The following JAZF1 variants were observed in gnomAD, a reference collection of about 807,000 sequenced individuals.
The protein encoded by JAZF1 is juxtaposed with another zinc finger protein 1.
In JAZF1, 8 loss-of-function variants were observed where a neutral mutation model predicts 26.4. That is an observed-to-expected ratio of 0.30 (90% confidence interval 0.18 to 0.55). The LOEUF (loss-of-function observed/expected upper bound fraction) is 0.55. JAZF1 is among the 20% of genes least tolerant of loss of function. The pLI, the probability that JAZF1 is intolerant of heterozygous loss-of-function variation, is 0.94. For synonymous variants in JAZF1, 126 were observed against 122.3 expected, an observed-to-expected ratio of 1.03 and a Z score of -0.20; for missense variants, 199 against 322.0, an observed-to-expected ratio of 0.62 and a Z score of 2.92.
intron 2 of JAZF1, among the ~76,000 whole-genome samples, chr7:27,991,127 C>A (rs1430010854): frequency 6.6e-6 from 1 of 152,116 alleles, no homozygotes; most frequent in Non-Finnish European, 1.5e-5. Context: ...AACTCTGGTA[C>A]CAAGAGACTA....
At chr7:27,968,150 G>C (rs1266793766) in intron 2 of JAZF1, among the ~76,000 whole-genome samples, 1 of 152,132 alleles carries the variant, frequency 6.6e-6, no homozygotes, top group African/African-American at 2.4e-5. Flanking sequence ...TAATATGGAA[G>C]AAACTCAAAA....
At chr7:28,001,963 T>C (rs1583502579) in intron 1 of JAZF1, among the ~76,000 whole-genome samples, 1 of 152,288 alleles carries the variant, frequency 6.6e-6, no homozygotes, top group East Asian at 1.9e-4. Flanking sequence ...TAGACAAGAA[T>C]ATGAGGTCTG....
intron 1 of JAZF1, among the ~76,000 whole-genome samples, chr7:28,169,473 C>T (rs184064493): frequency 7.2e-5 from 11 of 152,330 alleles, no homozygotes; most frequent in Middle Eastern, 3.4e-3. Context: ...TACAGGAGGG[C>T]TGCAAAACAC....
chr7:27,958,923 G>A (rs368663521), intron 2 of JAZF1, among the ~76,000 whole-genome samples: 4 of 152,098 alleles, frequency 2.6e-5, no homozygotes, highest in South Asian at 4.1e-4. Context: ...TACTAATAGC[G>A]GTAATTGGTT....
Position 28,149,803 on chromosome 7 carries a change from G to A in JAZF1, c.115+30660C>T, listed in dbSNP as rs566293411. ...TAATTACTGATTAATTCACTTAGCA[G>A]TCACCTCATTTTCTTCCCATTGTCT... On this transcript the variant is annotated intron_variant, in intron 1 of 4. Coordinates refer to ENST00000283928, the MANE Select transcript of JAZF1 (RefSeq NM_175061.4). 3.3e-5 allele frequency among the ~76,000 whole-genome samples: 5 copies of A among 152,336 alleles called. No homozygotes were observed. The South Asian group carries it at 1.0e-3, about 32-fold the overall frequency.
chr7:28,170,215 A>G (rs567214639), intron 1 of JAZF1, among the ~76,000 whole-genome samples: 1 of 152,244 alleles, frequency 6.6e-6, no homozygotes, highest in African/African-American at 2.4e-5. Flanking sequence ...TGGAGCCCAA[A>G]AGTTCAAGAT....
chr7:27,970,361 C>T (rs143547672), intron 2 of JAZF1, among the ~76,000 whole-genome samples: 2 of 152,310 alleles, frequency 1.3e-5, no homozygotes, highest in East Asian at 1.9e-4. Context: ...ACACCTTACT[C>T]GGGCATTCTT....
At chr7:28,127,899 T>C (rs1220400005) in intron 1 of JAZF1, among the ~76,000 whole-genome samples, 2 of 152,152 alleles carry the variant, frequency 1.3e-5, no homozygotes, top group African/African-American at 4.8e-5. Flanking sequence ...GGTGTTCTCA[T>C]GATTCATGAG....
At chr7:28,066,602 C>CAAAAAAA (rs911062551) in intron 1 of JAZF1, among the ~76,000 whole-genome samples, 7 of 31,732 alleles carry the variant, frequency 2.2e-4, no homozygotes, top group African/African-American at 4.0e-4. Flanking sequence ...GACTCCATCT[C>CAAAAAAA]AAAAAAAAAA....
rs184042250 is a variant in JAZF1, at chr7:27,943,404, G to A, written c.189-47988C>T. ...GCCTCCGCTGCTAGCTGGAGGCCGC[G>A]CACTGGATGGCTAATGAGGCCCAGA... On this transcript the variant is annotated intron_variant, in intron 2 of 4. Transcript: ENST00000283928. Among the ~76,000 whole-genome samples the A allele has an allele frequency of 4.8e-3, 736 of 152,228 alleles. 10 individuals carry two copies. Among genetic ancestry groups the A allele is most frequent in the East Asian group, 0.015 (76 of 5,162 alleles).
chr7:28,134,377 T>C (rs867687104), intron 1 of JAZF1, among the ~76,000 whole-genome samples: 5 of 151,992 alleles, frequency 3.3e-5, no homozygotes, highest in Admixed American at 6.6e-5. Context: ...CACAGTTCAC[T>C]GCAGCCTCCA....
chr7:27,861,377 C>T (rs1422261283), intron 3 of JAZF1, among the ~76,000 whole-genome samples: 1 of 152,026 alleles, frequency 6.6e-6, no homozygotes, highest in African/African-American at 2.4e-5. Flanking sequence ...TAATGTTACA[C>T]ACCTCCTGGA....
chr7:28,029,655 G>A (rs1583518385), intron 1 of JAZF1, among the ~76,000 whole-genome samples: 1 of 152,168 alleles, frequency 6.6e-6, no homozygotes, highest in East Asian at 1.9e-4. Context: ...TAAGTATTGA[G>A]GCAACAGAGA....
At chr7:27,899,906 T>G (rs189) in intron 2 of JAZF1, among the ~76,000 whole-genome samples, 56,883 of 151,962 alleles carry the variant, frequency 0.37, 10,873 homozygotes, top group East Asian at 0.49. Flanking sequence ...TTTTCACAGT[T>G]GAAAGTGTTC....
chr7:27,837,167 A>C (rs920890189), intron 4 of JAZF1, among the ~76,000 whole-genome samples: 1 of 151,668 alleles, frequency 6.6e-6, no homozygotes, highest in African/African-American at 2.4e-5. Context: ...TTCTTAAAAC[A>C]AAACAAAACA....
At position 27,917,436 on chromosome 7, in the gene JAZF1, C is replaced by T. The variant is rs1275957650; in HGVS notation, c.189-22020G>A. On this transcript the variant is annotated intron_variant, in intron 2 of 4. Transcript: ENST00000283928. The stretch of plus-strand genomic sequence containing the variant: ...CAACTGCTTCCATTAGCTTAGACCA[C>T]AGTTCTGACTCAGTAGGTCTAGGGT... 2.0e-5 allele frequency among the ~76,000 whole-genome samples: 3 copies of T among 152,218 alleles called. No individual in the cohort carries two copies. The East Asian group carries it at 5.8e-4, about 29-fold the overall frequency.
At chr7:27,893,043 C>T (rs946636046) in intron 3 of JAZF1, among the ~76,000 whole-genome samples, 12 of 152,254 alleles carry the variant, frequency 7.9e-5, no homozygotes, top group East Asian at 3.9e-4. Context: ...ATTGAACACA[C>T]GGTGTCTGTC....
At chr7:27,892,454 GTCTT>G (rs1455566899) in intron 3 of JAZF1, among the ~76,000 whole-genome samples, 2 of 152,134 alleles carry the variant, frequency 1.3e-5, no homozygotes, top group African/African-American at 2.4e-5. Context: ...CTTTTAAACT[GTCTT>G]TATTTTCATG....
chr7:27,846,355 A>C, intron 3 of JAZF1: 1 of 360,950 alleles, frequency 2.8e-6, no homozygotes. Flanking sequence ...ATACACGTAT[A>C]CGTGTACATA....
Sources: gnomAD v4.1 joint callset for allele counts (sites outside exome capture counted in the v4.1 genomes callset) on GRCh38, gnomAD v4.1.1 for gene constraint, MANE v1.5 for transcripts, NCBI Gene and HGNC (gene_info 2026-07-23, HGNC 2026-07-21) for gene names.